Variants in STAG1 observed in about 807,000 individuals in gnomAD.
STAG1 encodes the protein cohesin subunit SA-1.
A neutral mutation model predicts 170.9 loss-of-function variants in STAG1; 26 were observed. The observed-to-expected ratio is 0.15, with a 90% CI of 0.11 to 0.21. STAG1 has a LOEUF of 0.21. Ranked by LOEUF, STAG1 falls within the 10% of genes least tolerant of loss-of-function variation. The pLI, the probability that STAG1 is intolerant of heterozygous loss-of-function variation, is 1.00. For synonymous variants in STAG1, 514 were observed against 497.7 expected, an observed-to-expected ratio of 1.03 and a Z score of -0.44; for missense variants, 964 against 1,509.5, an observed-to-expected ratio of 0.64 and a Z score of 5.99.
intron 22 of STAG1, among the ~76,000 whole-genome samples, chr3:136,381,793 T>G (rs1033996811): frequency 6.6e-6 from 1 of 152,188 alleles, no homozygotes; most frequent in Non-Finnish European, 1.5e-5. Context: ...AGAAAAATTA[T>G]TTTACATCTC....
intron 12 of STAG1, among the ~76,000 whole-genome samples, chr3:136,468,922 G>A (rs375432998): frequency 6.6e-6 from 1 of 152,096 alleles, no homozygotes; most frequent in Middle Eastern, 3.2e-3. Flanking sequence ...AAAGGCCTTT[G>A]ACAAAATTCA....
chr3:136,400,129 C>T (rs1220636948), intron 21 of STAG1, among the ~76,000 whole-genome samples: 23 of 152,040 alleles, frequency 1.5e-4, no homozygotes, highest in Non-Finnish European at 2.8e-4. Context: ...CACCATGATG[C>T]GCAGGCTGGT....
At chr3:136,504,514 A>G (rs745341508) in intron 7 of STAG1, among the ~76,000 whole-genome samples, 1 of 152,220 alleles carries the variant, frequency 6.6e-6, no homozygotes, top group Non-Finnish European at 1.5e-5. Flanking sequence ...CTACACTATG[A>G]AAGTTTAAAA....
At chr3:136,729,398 A>G (rs745351494) in intron 1 of STAG1, among the ~76,000 whole-genome samples, 31 of 152,150 alleles carry the variant, frequency 2.0e-4, no homozygotes, top group Non-Finnish European at 4.0e-4. Flanking sequence ...TACCATGCTT[A>G]TAAGAGAATT....
chr3:136,548,214 G>C (rs559029856), intron 5 of STAG1, among the ~76,000 whole-genome samples: 1 of 151,666 alleles, frequency 6.6e-6, no homozygotes, highest in South Asian at 2.1e-4. Flanking sequence ...CCCCAGCTCA[G>C]GTGGTCCTCC....
chr3:136,556,727 C>T (rs1936636936), intron 5 of STAG1, among the ~76,000 whole-genome samples: 1 of 151,886 alleles, frequency 6.6e-6, no homozygotes, highest in Non-Finnish European at 1.5e-5. Context: ...AGACTACAGG[C>T]ACACACCACC....
intron 3 of STAG1, among the ~76,000 whole-genome samples, chr3:136,616,816 C>A (rs910883573): frequency 1.3e-5 from 2 of 152,190 alleles, no homozygotes; most frequent in East Asian, 3.9e-4. Flanking sequence ...ATCACTTGAA[C>A]CTGGGAAATC....
chr3:136,719,216 A>G (rs974654252), intron 1 of STAG1, among the ~76,000 whole-genome samples: 10 of 152,222 alleles, frequency 6.6e-5, no homozygotes, highest in Non-Finnish European at 1.5e-4. Flanking sequence ...AACATGCCTT[A>G]ACATGGATTA....
intron 15 of STAG1, among the ~76,000 whole-genome samples, chr3:136,437,975 A>T (rs1250671348): frequency 6.6e-6 from 1 of 152,226 alleles, no homozygotes; most frequent in African/African-American, 2.4e-5. Flanking sequence ...GCATTGGATC[A>T]CATTATTCCC....
chr3:136,476,471 C>A (rs568866754), intron 10 of STAG1, among the ~76,000 whole-genome samples: 1 of 151,994 alleles, frequency 6.6e-6, no homozygotes, highest in Non-Finnish European at 1.5e-5. Context: ...TTCCAGGGGG[C>A]AAGACAGGTG....
chr3:136,730,543 T>C (rs996614053), intron 1 of STAG1, among the ~76,000 whole-genome samples: 2 of 152,238 alleles, frequency 1.3e-5, no homozygotes, highest in African/African-American at 2.4e-5. Flanking sequence ...TGTAAGCTAC[T>C]TGACACCATG....
chr3:136,534,938 C>G (rs567408411), intron 6 of STAG1, among the ~76,000 whole-genome samples: 254 of 152,270 alleles, frequency 1.7e-3, no homozygotes, highest in Non-Finnish European at 2.9e-3. Context: ...CAAAGGGATA[C>G]CCACACTTGC....
chr3:136,624,792 A>G (rs1033225697), intron 2 of STAG1, among the ~76,000 whole-genome samples: 5 of 152,244 alleles, frequency 3.3e-5, no homozygotes, highest in Non-Finnish European at 7.3e-5. Context: ...TCAAATGACC[A>G]AAGTGGCATA....
intron 9 of STAG1, among the ~76,000 whole-genome samples, chr3:136,484,898 G>A (rs550065593): frequency 6.6e-6 from 1 of 151,998 alleles, no homozygotes; most frequent in East Asian, 2.0e-4. Flanking sequence ...TGACCCTTGC[G>A]CTTCCCAGGT....
intron 21 of STAG1, among the ~76,000 whole-genome samples, chr3:136,410,068 TAAAAA>T (rs766763989): frequency 1.1e-5 from 1 of 93,062 alleles, no homozygotes; most frequent in African/African-American, 4.3e-5. Flanking sequence ...AGTCCTTGTC[TAAAAA>T]AAAAAAAAAA....
At chr3:136,364,576 A>G (rs1223203421) in intron 25 of STAG1, among the ~76,000 whole-genome samples, 1 of 152,188 alleles carries the variant, frequency 6.6e-6, no homozygotes, top group Non-Finnish European at 1.5e-5. Context: ...TTTGTGCACT[A>G]TCTCATCCCT....
At chr3:136,499,625 T>C (rs530886001) in intron 9 of STAG1, 1 of 152,504 alleles carries the variant, frequency 6.6e-6, no homozygotes, top group African/African-American at 2.4e-5. Flanking sequence ...TCTTTTACAA[T>C]GTAGTTAGTG....
chr3:136,473,249 G>T (rs1044787710), intron 11 of STAG1, among the ~76,000 whole-genome samples: 2 of 152,034 alleles, frequency 1.3e-5, no homozygotes, highest in South Asian at 2.1e-4. Context: ...CTACCTTATG[G>T]TGAGTTGTAT....
chr3:136,647,508 G>A (rs1447376559), intron 1 of STAG1, among the ~76,000 whole-genome samples: 1 of 152,138 alleles, frequency 6.6e-6, no homozygotes, highest in Non-Finnish European at 1.5e-5. Flanking sequence ...GGCAGAGGTT[G>A]CTGTGAGCCG....
Sources: allele counts gnomAD v4.1 joint callset (sites outside exome capture counted in the v4.1 genomes callset), GRCh38; gene constraint gnomAD v4.1.1; transcripts MANE v1.5; gene names NCBI Gene and HGNC (gene_info 2026-07-23, HGNC 2026-07-21).